ADAMTSL1: variants seen among roughly 807,000 people sequenced by gnomAD.
ADAMTSL1 encodes ADAMTS-like protein 1.
ADAMTSL1 carries 126 observed loss-of-function variants against 201.8 expected under a neutral mutation model. That is an observed-to-expected ratio of 0.62 (90% CI 0.54 to 0.72). ADAMTSL1 has a LOEUF of 0.72. ADAMTSL1 is among the 30% of genes least tolerant of loss of function. The pLI is 0.00. For missense variants in ADAMTSL1, 2,679 were observed against 2,277.8 expected, an observed-to-expected ratio of 1.18 and a Z score of -3.59; for synonymous variants, 1,121 against 903.4, an observed-to-expected ratio of 1.24 and a Z score of -4.32.
chr9:18,454,771 TG>T (rs1296557755), intron 2 of ADAMTSL1, among the ~76,000 whole-genome samples: 11 of 152,242 alleles, frequency 7.2e-5, no homozygotes, highest in African/African-American at 2.7e-4. Flanking sequence ...TATTGTGTTT[TG>T]TAATATAATT....
At chr9:18,254,002 A>G (rs924751617) in intron 2 of ADAMTSL1, among the ~76,000 whole-genome samples, 7 of 152,198 alleles carry the variant, frequency 4.6e-5, no homozygotes, top group African/African-American at 1.4e-4. Flanking sequence ...TCTGTGTGCA[A>G]CCTGCCACTG....
At chr9:18,700,496 A>G (rs1831860352) in intron 13 of ADAMTSL1, among the ~76,000 whole-genome samples, 1 of 152,190 alleles carries the variant, frequency 6.6e-6, no homozygotes, top group South Asian at 2.1e-4. Flanking sequence ...AAGCCTCTTC[A>G]GATGCCAAAA....
At chr9:18,359,856 C>T (rs1215973167) in intron 2 of ADAMTSL1, among the ~76,000 whole-genome samples, 4 of 139,026 alleles carry the variant, frequency 2.9e-5, no homozygotes, top group African/African-American at 1.1e-4. Context: ...ATGCCCCACC[C>T]CTGCTTTGAC....
At chr9:18,410,384 C>G (rs1170626032) in intron 2 of ADAMTSL1, among the ~76,000 whole-genome samples, 2 of 152,210 alleles carry the variant, frequency 1.3e-5, no homozygotes, top group East Asian at 3.9e-4. Context: ...CCCCCCACAG[C>G]CCCCAACAGG....
At chr9:18,200,949 A>G (rs549101749) in intron 2 of ADAMTSL1, among the ~76,000 whole-genome samples, 11 of 152,160 alleles carry the variant, frequency 7.2e-5, no homozygotes, top group African/African-American at 2.6e-4. Flanking sequence ...CATGGATTCA[A>G]GACAAAAGAA....
chr9:18,309,360 G>C (rs1834029630), intron 2 of ADAMTSL1, among the ~76,000 whole-genome samples: 1 of 152,014 alleles, frequency 6.6e-6, no homozygotes, highest in Admixed American at 6.6e-5. Context: ...GAGAAAGAAA[G>C]AAAGTGTATT....
At chr9:18,121,445 C>A (rs1825493377) in intron 1 of ADAMTSL1, among the ~76,000 whole-genome samples, 1 of 152,166 alleles carries the variant, frequency 6.6e-6, no homozygotes, top group South Asian at 2.1e-4. Flanking sequence ...AAAGGGGAAG[C>A]CTTGAAGTAA....
rs1467164293 is a variant in ADAMTSL1 at position 18,909,510 on chromosome 9, T to C, written c.*962T>C. 1 of 152,238 alleles carries C rather than the reference T, an allele frequency of 6.6e-6. No individual in the cohort carries two copies. The highest frequency in any genetic ancestry group is 1.5e-5 in the Non-Finnish European group (1 of 68,054). 9.4% of individuals were successfully genotyped at this position (152,238 alleles called of 1,614,324 possible). On this transcript the variant is annotated 3_prime_UTR_variant, in exon 29 of 29. Transcript: ENST00000380548. ...AATCCGAAGTCCCCTAGCCCCGCACTAACTAACTGCTGCTGTGGGCCAGGG... is the reference window on the plus strand; with the variant it reads ...AATCCGAAGTCCCCTAGCCCCGCACCAACTAACTGCTGCTGTGGGCCAGGG...
At chr9:18,593,408 T>A (rs1824050869) in intron 4 of ADAMTSL1, among the ~76,000 whole-genome samples, 1 of 152,122 alleles carries the variant, frequency 6.6e-6, no homozygotes, top group Non-Finnish European at 1.5e-5. Flanking sequence ...ATTTCATTTA[T>A]TTCTGCTCTG....
intron 16 of ADAMTSL1, among the ~76,000 whole-genome samples, chr9:18,769,420 A>G (rs1820555047): frequency 6.6e-6 from 1 of 152,206 alleles, no homozygotes; most frequent in Non-Finnish European, 1.5e-5. Flanking sequence ...TATCCCCACC[A>G]CAGAGTAGTC....
At chr9:18,048,818 TCCCATATGTCTATTACTC>T (rs1821788613) in intron 1 of ADAMTSL1, among the ~76,000 whole-genome samples, 1 of 152,140 alleles carries the variant, frequency 6.6e-6, no homozygotes, top group Non-Finnish European at 1.5e-5. Flanking sequence ...AGACAGTCCA[TCCCATATGTCTATTACTC>T]AGGGCTGCTA....
At chr9:18,230,639 G>T (rs1441777123) in intron 2 of ADAMTSL1, among the ~76,000 whole-genome samples, 1 of 152,058 alleles carries the variant, frequency 6.6e-6, no homozygotes, top group Non-Finnish European at 1.5e-5. Context: ...ACTCTAAGAG[G>T]GGTCCTGGGA....
rs148175189 is a variant in ADAMTSL1, at chr9:18,502,089, C to T, written c.64-2740C>T. 5.1e-3 allele frequency among the ~76,000 whole-genome samples: 781 copies of T among 152,324 alleles called. 3 individuals are homozygous for T. Among genetic ancestry groups the T allele is most frequent in the African/African-American group, 0.018 (736 of 41,574 alleles). On this transcript the variant is annotated intron_variant, in intron 1 of 28. Transcript: ENST00000380548. Reference sequence around the variant, plus strand: ...TACCCAGAGAACAGCCAGAGGGAAACTCTCCAAGGATTTGGCATTCGAGTG... The same window carrying T: ...TACCCAGAGAACAGCCAGAGGGAAATTCTCCAAGGATTTGGCATTCGAGTG...
At chr9:18,830,771 G>A (rs1013649812) in intron 23 of ADAMTSL1, among the ~76,000 whole-genome samples, 1 of 152,158 alleles carries the variant, frequency 6.6e-6, no homozygotes, top group Admixed American at 6.5e-5. Context: ...CAGGGACAGG[G>A]AATATATGAG....
intron 4 of ADAMTSL1, among the ~76,000 whole-genome samples, chr9:18,598,164 A>G (rs750803246): frequency 5.3e-5 from 8 of 152,198 alleles, no homozygotes; most frequent in Non-Finnish European, 1.0e-4. Flanking sequence ...CCTCTCTACA[A>G]AGCTAATCGC....
intron 2 of ADAMTSL1, among the ~76,000 whole-genome samples, chr9:18,290,775 T>TTG (rs1201114512): frequency 2.8e-5 from 2 of 71,862 alleles, no homozygotes; most frequent in East Asian, 3.4e-4. Context: ...CTGGCTTTTT[T>TTG]TGTGTGTTTT....
intron 1 of ADAMTSL1, among the ~76,000 whole-genome samples, chr9:18,117,835 C>T (rs912171711): frequency 1.3e-5 from 2 of 151,992 alleles, no homozygotes; most frequent in African/African-American, 2.4e-5. Context: ...TACATTGGAC[C>T]TTTCTAATAA....
intron 23 of ADAMTSL1, among the ~76,000 whole-genome samples, chr9:18,873,867 GT>G (rs1430475607): frequency 6.6e-6 from 1 of 151,876 alleles, no homozygotes; most frequent in Non-Finnish European, 1.5e-5. Flanking sequence ...ATTGCATTGA[GT>G]TTTTAGATGA....
intron 2 of ADAMTSL1, among the ~76,000 whole-genome samples, chr9:18,277,248 G>A (rs1832621389): frequency 6.6e-6 from 1 of 152,128 alleles, no homozygotes; most frequent in Admixed American, 6.5e-5. Context: ...GCATATGTGT[G>A]TTAAGTCCCT....
Sources: allele counts gnomAD v4.1 joint callset (sites outside exome capture counted in the v4.1 genomes callset), GRCh38; gene constraint gnomAD v4.1.1; transcripts MANE v1.5; gene names NCBI Gene and HGNC (gene_info 2026-07-23, HGNC 2026-07-21).